Variants in TLCD2 observed in about 807,000 individuals in gnomAD.
TLCD2 encodes TLC domain containing 2.
In TLCD2, 12 loss-of-function variants were observed where a neutral mutation model predicts 14.0. That is an observed-to-expected ratio of 0.86 (90% confidence interval 0.55 to 1.39). The LOEUF (loss-of-function observed/expected upper bound fraction) is 1.39. Ranked by LOEUF, TLCD2 falls within the 40% of genes most tolerant of loss-of-function variation. TLCD2 has a pLI of 0.00. For missense variants in TLCD2, 360 were observed against 346.8 expected (o/e 1.04, Z -0.30); for synonymous variants, 166 against 156.5 (o/e 1.06, Z -0.45).
At position 1,709,795 on chromosome 17, in the gene TLCD2, C is replaced by T. The variant is rs1414881586; in HGVS notation, c.259+9G>A. ...CCCACCACCGGCCCAGCCTTCCCTG[C>T]AGACTCACCCACAGACACAGCCACC... On this transcript the variant is annotated intron_variant, in intron 2 of 3. Coordinates refer to ENST00000330676, the MANE Select transcript of TLCD2 (RefSeq NM_001164407.2). The T allele has an allele frequency of 6.6e-7, 1 of 1,504,130 alleles. No individual in the cohort carries two copies. The highest frequency in any genetic ancestry group is 8.9e-7 in the Non-Finnish European group (1 of 1,118,196). The allele number at this position is 1,504,130 out of a possible 1,614,324, so 93.2% of individuals were successfully genotyped here. A position where few individuals can be genotyped will look rare whatever the true frequency, so the allele number is the denominator to read the frequency against.
rs1167962799 is a variant in TLCD2, at chr17:1,710,095, G to C, written c.148C>G (p.Leu50Val). 3.3e-6 allele frequency: 5 copies of C among 1,533,300 alleles called. No individual in the cohort carries two copies. Among genetic ancestry groups the C allele is most frequent in the African/African-American group, 1.4e-5 (1 of 72,912 alleles). 95.0% of individuals were successfully genotyped at this position (1,533,300 alleles called of 1,614,324 possible). A position where few individuals can be genotyped will look rare whatever the true frequency, so the allele number is the denominator to read the frequency against. ...AGCAGCGCCCCGGTCCCCGAGAGCA[G>C]GCTGTGCGCCAGGGAGACGCAGAGG... ...WNLCVSLAHSLLSGTGALLGL... is the reference protein window; with the variant it reads ...WNLCVSLAHSVLSGTGALLGL... Residue 50 changes from leucine (L) to valine (V), a missense_variant, in exon 1 of 4, where the codon CTG (leucine) becomes GTG (valine). Transcript: ENST00000330676. This position sits in a 1 kb window ranked among gnomAD's most constrained non-coding sequence, Gnocchi z 6.1.
Position 1,710,297 on chromosome 17 carries a change from G to A in TLCD2, c.-55C>T, listed in dbSNP as rs1914189356. ...CCGGGTCGGTCCCCTCGGCGCCCGC[G>A]CTCTCGGCCGGGACTGGGAACCCGT... On this transcript the variant is annotated 5_prime_UTR_variant, in exon 1 of 4. Coordinates refer to ENST00000330676, the MANE Select transcript of TLCD2 (RefSeq NM_001164407.2). This position sits in a 1 kb window ranked among gnomAD's most constrained non-coding sequence, Gnocchi z 6.1. 1.4e-6 allele frequency: 2 copies of A among 1,396,070 alleles called. No individual in the cohort carries two copies. The highest frequency in any genetic ancestry group is 1.5e-5 in the African/African-American group (1 of 65,762). 86.5% of individuals were successfully genotyped at this position (1,396,070 alleles called of 1,614,324 possible). A position where few individuals can be genotyped will look rare whatever the true frequency, so the allele number is the denominator to read the frequency against.
Position 1,709,593 on chromosome 17 carries a change from GGGGTAGGGGTTA to G in TLCD2, c.260-24_260-13del. 1 of 1,536,690 alleles carries G rather than the reference GGGGTAGGGGTTA, an allele frequency of 6.5e-7. No homozygotes were observed. The highest frequency in any genetic ancestry group is 8.7e-7 in the Non-Finnish European group (1 of 1,146,520). On this transcript the variant is annotated splice_polypyrimidine_tract_variant and intron_variant, in intron 2 of 3. Transcript: ENST00000330676. ...TGCCAGGAAGTAACCTGTGGGCATG[GGGGTAGGGGTTA>G]GGCTGCTCCAGAGCCCGGGCAGCTT... is the stretch of plus-strand genomic sequence containing the variant.
Position 1,710,321 on chromosome 17 carries a change from G to T in TLCD2, c.-79C>A. 7.5e-7 allele frequency: 1 copy of T among 1,326,854 alleles called. No homozygotes were observed. Among genetic ancestry groups the T allele is most frequent in the Non-Finnish European group, 9.8e-7 (1 of 1,021,114 alleles). 82.2% of individuals were successfully genotyped at this position (1,326,854 alleles called of 1,614,324 possible). On this transcript the variant is annotated 5_prime_UTR_variant, in exon 1 of 4. Coordinates refer to ENST00000330676, the MANE Select transcript of TLCD2 (RefSeq NM_001164407.2). This position sits in a 1 kb window ranked among gnomAD's most constrained non-coding sequence, Gnocchi z 6.1. Reference sequence around the variant, plus strand: ...CGCTCTCGGCCGGGACTGGGAACCCGTTTCCCGGCAGGGCTGGGGCCCCGG... The same window carrying T: ...CGCTCTCGGCCGGGACTGGGAACCCTTTTCCCGGCAGGGCTGGGGCCCCGG...
chr17:1,708,181 G>C lies in TLCD2; in HGVS notation c.384C>G (p.Tyr128Ter). The C allele has an allele frequency of 6.5e-7, 1 of 1,536,180 alleles. No individual in the cohort carries two copies. The highest frequency in any genetic ancestry group is 8.7e-7 in the Non-Finnish European group (1 of 1,146,706). Residue 128 changes from tyrosine to a stop codon, truncating the protein, a stop_gained, in exon 4 of 4, where the codon TAC (tyrosine) becomes TAG (stop). Coordinates refer to ENST00000330676, the MANE Select transcript of TLCD2 (RefSeq NM_001164407.2). LOFTEE classifies it low-confidence loss of function (END_TRUNC). ...CLSTAVLSGHYVGFSMVSLLL... is the reference protein window; with the variant it reads ...CLSTAVLSGH ...GCAGAGACACCATGGAGAAGCCCAC[G>C]TAGTGGCCAGACAGAACAGCGGTGC...
intron 2 of TLCD2, 65 bp from the exon 3 acceptor site, chr17:1,709,646 C>A (rs984824690): frequency 1.9e-6 from 2 of 1,079,890 alleles, no homozygotes; most frequent in East Asian, 3.7e-5. Flanking sequence ...GGATTTCCAG[C>A]CCCCCCGCCC....
Position 1,707,706 on chromosome 17 carries a change from A to G in TLCD2, c.*64T>C. Reference sequence around the variant, plus strand: ...CCCTCACCCTGATGGGGGACTGTGCATGGAAGACCCTCATCTCCTTGTCCT... The same window carrying G: ...CCCTCACCCTGATGGGGGACTGTGCGTGGAAGACCCTCATCTCCTTGTCCT... On this transcript the variant is annotated 3_prime_UTR_variant, in exon 4 of 4. Transcript: ENST00000330676. 4.5e-6 allele frequency: 6 copies of G among 1,334,416 alleles called. No individual in the cohort carries two copies. The highest frequency in any genetic ancestry group is 2.5e-5 in the East Asian group (1 of 39,570). The allele number at this position is 1,334,416 out of a possible 1,614,324, so 82.7% of individuals were successfully genotyped here.
chr17:1,709,443 G>A, intron 3 of TLCD2, 56 bp downstream of exon 3: 1 of 1,243,030 alleles, frequency 8.0e-7, no homozygotes. Context: ...GGAACCTCGG[G>A]CTGGACAGGG....
In TLCD2 at chr17:1,708,089, G is replaced by A; in HGVS notation, c.476C>T (p.Ser159Phe). ...CCAGCTGGTCACGCTGAAGGCCAGG[G>A]ATGGGGCCTGGCGAGAAAGCAACAG... ...KLLLLSRQAP[S>F]LAFSVTSWAS... The change falls in exon 4 of 4, where the codon TCC (serine) becomes TTC (phenylalanine). Residue 159 changes from serine to phenylalanine, a missense_variant. By Grantham distance (155) the Ser-to-Phe change is radical (BLOSUM62 -2). Coordinates refer to ENST00000330676, the MANE Select transcript of TLCD2 (RefSeq NM_001164407.2). 1 of 1,537,060 alleles carries A rather than the reference G, an allele frequency of 6.5e-7. No homozygotes were observed. The highest frequency in any genetic ancestry group is 8.7e-7 in the Non-Finnish European group (1 of 1,146,920).
Position 1,710,276 on chromosome 17 carries a change from G to T in TLCD2, c.-34C>A. On this transcript the variant is annotated 5_prime_UTR_variant, in exon 1 of 4. Transcript: ENST00000330676. The surrounding 1 kb of genome is among the most constrained non-coding windows in gnomAD (Gnocchi z 6.1). The stretch of plus-strand genomic sequence containing the variant: ...GGTTGGGGGGTTGCGGGGAGTCCGG[G>T]TCGGTCCCCTCGGCGCCCGCGCTCT... 1.4e-6 allele frequency: 2 copies of T among 1,453,542 alleles called. No individual in the cohort carries two copies. The highest frequency in any genetic ancestry group is 9.0e-7 in the Non-Finnish European group (1 of 1,111,204). The allele number at this position is 1,453,542 out of a possible 1,614,324, so 90.0% of individuals were successfully genotyped here.
rs538369258 is a variant in TLCD2 at position 1,706,730 on chromosome 17, A to G, written c.*1040T>C. On this transcript the variant is annotated 3_prime_UTR_variant, in exon 4 of 4. Coordinates refer to ENST00000330676, the MANE Select transcript of TLCD2 (RefSeq NM_001164407.2). Reference sequence around the variant, plus strand: ...CAGAGATTGCAGTGAGCCAAGATCAAGCCACTGCACTCCATCCTGGGCAAC... The same window carrying G: ...CAGAGATTGCAGTGAGCCAAGATCAGGCCACTGCACTCCATCCTGGGCAAC... 1 of 150,140 alleles carries G rather than the reference A, an allele frequency of 6.7e-6. No homozygotes were observed. Among genetic ancestry groups the G allele is most frequent in the East Asian group, 2.0e-4 (1 of 5,122 alleles). The allele number at this position is 150,140 out of a possible 1,614,324, so 9.3% of individuals were successfully genotyped here.
intron 3 of TLCD2, 72 bp from the exon 4 acceptor site, chr17:1,708,294 GAAGA>G: frequency 1.2e-5 from 14 of 1,215,070 alleles, no homozygotes; most frequent in Non-Finnish European, 1.6e-5. Flanking sequence ...ACCCAGGCCT[GAAGA>G]AAGAGGCTTC....
intron 2 of TLCD2, 50 bp from the exon 3 acceptor site, chr17:1,709,631 A>G (rs1914155581): frequency 6.7e-7 from 1 of 1,494,602 alleles, no homozygotes; most frequent in Non-Finnish European, 9.0e-7. Context: ...CGGGCAGCTT[A>G]GAGAGGATTT....
At chr17:1,709,668 C>G in intron 2 of TLCD2, 87 bp from the exon 3 acceptor site, 1 of 1,294,642 alleles carries the variant, frequency 7.7e-7, no homozygotes, top group Non-Finnish European at 1.1e-6. Flanking sequence ...GCCCCTCTCC[C>G]AGTTCTTAGT....
chr17:1,707,195 AC>A lies in TLCD2; in HGVS notation c.*574del, dbSNP rs1051653143. 6 of 152,222 alleles carry A rather than the reference AC, an allele frequency of 3.9e-5. No individual in the cohort carries two copies. The highest frequency in any genetic ancestry group is 1.2e-4 in the African/African-American group (5 of 41,406). The allele number at this position is 152,222 out of a possible 1,614,324, so 9.4% of individuals were successfully genotyped here. ...AAAAAAAAGAAAAAGAAAAAGAAAA[AC>A]AGGAGTGTGGCTTTGAGAACCAGAA... On this transcript the variant is annotated 3_prime_UTR_variant, in exon 4 of 4. Coordinates refer to ENST00000330676, the MANE Select transcript of TLCD2 (RefSeq NM_001164407.2).
chr17:1,709,911 G>GC lies in TLCD2; in HGVS notation c.177-26_177-25insG, dbSNP rs754895630. On this transcript the variant is annotated intron_variant, in intron 1 of 3. Transcript: ENST00000330676. ...GCTGGGGGCATGGGGTGGGGACATG[G>GC]GGGGGGGCATGGTCAGCCTCTCGAG... 202 of 1,521,254 alleles carry GC rather than the reference G, an allele frequency of 1.3e-4. 2 individuals are homozygous for GC. Among genetic ancestry groups the GC allele is most frequent in the Non-Finnish European group, 1.6e-4 (179 of 1,136,286 alleles). The allele number at this position is 1,521,254 out of a possible 1,614,324, so 94.2% of individuals were successfully genotyped here.
At chr17:1,708,679 G>T (rs1914121068) in intron 3 of TLCD2, among the ~76,000 whole-genome samples, 3 of 151,914 alleles carry the variant, frequency 2.0e-5, no homozygotes, top group South Asian at 4.1e-4. Context: ...TAGAGACGGG[G>T]TTTCACTGTT....
At position 1,707,686 on chromosome 17, in the gene TLCD2, A is replaced by C; in HGVS notation, c.*84T>G. 1 of 1,132,236 alleles carries C rather than the reference A, an allele frequency of 8.8e-7. No individual in the cohort carries two copies. The allele number at this position is 1,132,236 out of a possible 1,614,324, so 70.1% of individuals were successfully genotyped here. ...ATTCTGATGAGCAAGTCTGGCCCTC[A>C]CCCTGATGGGGGACTGTGCATGGAA... On this transcript the variant is annotated 3_prime_UTR_variant, in exon 4 of 4. Transcript: ENST00000330676.
intron 3 of TLCD2, 33 bp downstream of exon 3, chr17:1,709,466 C>T (rs1389992823): frequency 3.3e-6 from 5 of 1,506,846 alleles, no homozygotes; most frequent in Non-Finnish European, 4.5e-6. Flanking sequence ...CCCCTCCTCC[C>T]TTCCTGTCTG....
Sources: gnomAD v4.1 joint callset for allele counts (sites outside exome capture counted in the v4.1 genomes callset) on GRCh38, gnomAD v4.1.1 for gene constraint, Gnocchi (gnomAD v3.1) non-coding constraint, MANE v1.5 for transcripts, NCBI Gene and HGNC (gene_info 2026-07-23, HGNC 2026-07-21) for gene names.